The following SPEF2 variants were observed in gnomAD, a reference collection of about 807,000 sequenced individuals.
The protein encoded by SPEF2 is sperm flagella and cilia-associated protein 2.
In SPEF2, 187 loss-of-function variants were observed where a neutral mutation model predicts 224.6. That is an observed-to-expected ratio of 0.83 (90% CI 0.74 to 0.94). SPEF2 has a LOEUF of 0.94. Ranked by LOEUF, SPEF2 falls within the 40% of genes least tolerant of loss-of-function variation. The probability of loss-of-function intolerance (pLI) is 0.00; values close to 1 mark genes in which losing one functional copy is unlikely to be tolerated. For missense variants in SPEF2, 2,170 were observed against 2,135.6 expected, an observed-to-expected ratio of 1.02 and a Z score of -0.32; for synonymous variants, 715 against 707.3, an observed-to-expected ratio of 1.01 and a Z score of -0.17.
At chr5:35,652,898 T>C (rs1250711726) in intron 6 of SPEF2, among the ~76,000 whole-genome samples, 1 of 152,148 alleles carries the variant, frequency 6.6e-6, no homozygotes, top group East Asian at 1.9e-4. Flanking sequence ...TTTTGAATAA[T>C]AAGATTATAA....
intron 8 of SPEF2, among the ~76,000 whole-genome samples, chr5:35,662,760 G>C (rs1749921040): frequency 6.6e-6 from 1 of 152,054 alleles, no homozygotes; most frequent in African/African-American, 2.4e-5. Flanking sequence ...TTATTTCTGG[G>C]TTCTCTATTC....
intron 23 of SPEF2, among the ~76,000 whole-genome samples, chr5:35,750,677 G>GA (rs1023078572): frequency 3.3e-5 from 5 of 151,674 alleles, no homozygotes; most frequent in African/African-American, 1.2e-4. Context: ...TGGCCATAAT[G>GA]AAAAAAACCA....
chr5:35,797,317 G>GGTGTGT (rs3219619), intron 33 of SPEF2, among the ~76,000 whole-genome samples: 53 of 142,192 alleles, frequency 3.7e-4, no homozygotes, highest in African/African-American at 1.1e-3. Context: ...ATGGCTGACG[G>GGTGTGT]GTGTGTGTGT....
rs200886131 is a variant in SPEF2, at chr5:35,786,905, C to CA, written c.4448-5428dup. On this transcript the variant is annotated intron_variant, in intron 30 of 36. Coordinates refer to ENST00000356031, the MANE Select transcript of SPEF2 (RefSeq NM_024867.4). ...AAACCCTAGAACCATAAAGTATTGA[C>CA]AAAAAAAGAGAATATATGTCATGAA... Among the ~76,000 whole-genome samples the CA allele has an allele frequency of 8.8e-4, 133 of 151,752 alleles. No homozygotes were observed. In the East Asian group the frequency reaches 0.022, roughly 25 times the overall value.
chr5:35,702,325 T>C (rs1738805206), intron 16 of SPEF2: 1 of 455,864 alleles, frequency 2.2e-6, no homozygotes, highest in Admixed American at 2.4e-5. Context: ...CTGAGGTAAA[T>C]GATCCAGACT....
At chr5:35,672,258 ATGTT>A (rs1751299094) in intron 10 of SPEF2, among the ~76,000 whole-genome samples, 1 of 38,132 alleles carries the variant, frequency 2.6e-5, no homozygotes, top group Non-Finnish European at 5.3e-5. Context: ...ATTGAACATA[ATGTT>A]CATTATAATG....
intron 33 of SPEF2, among the ~76,000 whole-genome samples, chr5:35,798,986 C>T (rs2149848901): frequency 6.6e-6 from 1 of 152,254 alleles, no homozygotes; most frequent in African/African-American, 2.4e-5. Context: ...TCATTTATGC[C>T]TAGTTAAACC....
At chr5:35,801,295 C>G (rs1291464047) in intron 34 of SPEF2, among the ~76,000 whole-genome samples, 1 of 152,162 alleles carries the variant, frequency 6.6e-6, no homozygotes, top group East Asian at 1.9e-4. Flanking sequence ...GCGGGTGGCT[C>G]ACCTGAGGTC....
At chr5:35,658,555 A>G (rs1031951822) in intron 7 of SPEF2, among the ~76,000 whole-genome samples, 6 of 152,130 alleles carry the variant, frequency 3.9e-5, no homozygotes, top group Non-Finnish European at 8.8e-5. Context: ...TTCTGAAAAC[A>G]TGCTTTTAAG....
chr5:35,788,467 A>G (rs1755489588), intron 30 of SPEF2: 2 of 702,592 alleles, frequency 2.8e-6, no homozygotes, highest in Non-Finnish European at 5.2e-6. Flanking sequence ...TCAGTGATGG[A>G]ATCATAGACA....
Position 35,796,325 on chromosome 5 carries a change from C to T in SPEF2, c.4830+530C>T, listed in dbSNP as rs149531153. ...AAGCCAGACCTTAAAAATCTCAATG[C>T]GGCCGGGCGCGGTGGCTCACGCCTG... On this transcript the variant is annotated intron_variant, in intron 33 of 36. Transcript: ENST00000356031. Among the ~76,000 whole-genome samples, 13 of 152,126 alleles carry T rather than the reference C, an allele frequency of 8.5e-5. 1 individual carries two copies. The East Asian group carries it at 2.1e-3, about 25-fold the overall frequency.
intron 5 of SPEF2, among the ~76,000 whole-genome samples, chr5:35,648,952 T>G (rs112759785): frequency 6.7e-6 from 1 of 149,280 alleles, no homozygotes; most frequent in Admixed American, 6.7e-5. Context: ...AGGTGGAGGA[T>G]GCCTTGAGCC....
intron 20 of SPEF2, among the ~76,000 whole-genome samples, chr5:35,713,694 C>T (rs1311851233): frequency 2.0e-5 from 3 of 147,794 alleles, no homozygotes; most frequent in African/African-American, 5.0e-5. Context: ...GCCAAGACTG[C>T]GCCACTGCAC....
At chr5:35,744,741 G>A (rs1429953767) in intron 23 of SPEF2, among the ~76,000 whole-genome samples, 1 of 152,136 alleles carries the variant, frequency 6.6e-6, no homozygotes, top group South Asian at 2.1e-4. Flanking sequence ...GGGACAGAGG[G>A]AGACTCTGTC....
intron 8 of SPEF2, among the ~76,000 whole-genome samples, chr5:35,661,254 T>TTATATATATATATATATA (rs550178866): frequency 5.3e-5 from 5 of 93,986 alleles, no homozygotes; most frequent in Non-Finnish European, 8.8e-5. Flanking sequence ...TTGGTATATA[T>TTATATATATATATATATA]TATATATATA....
At position 35,793,127 on chromosome 5, in the gene SPEF2, A is replaced by C. The variant is rs888249548; in HGVS notation, c.4555-32A>C. 6 of 1,586,808 alleles carry C rather than the reference A, an allele frequency of 3.8e-6. No individual in the cohort carries two copies. The African/African-American group carries it at 6.7e-5, about 18-fold the overall frequency. The stretch of plus-strand genomic sequence containing the variant: ...AGAGCATCAAGATAGATTCATGTAG[A>C]TATTCCAAAGATATTTCCTGTTTTC... On this transcript the variant is annotated intron_variant, in intron 31 of 36. Coordinates refer to ENST00000356031, the MANE Select transcript of SPEF2 (RefSeq NM_024867.4).
Position 35,814,532 on chromosome 5 carries a change from A to G in SPEF2, c.5448A>G (p.Arg1816=). The G allele has an allele frequency of 6.2e-7, 1 of 1,607,048 alleles. No individual in the cohort carries two copies. The highest frequency in any genetic ancestry group is 8.5e-7 in the Non-Finnish European group (1 of 1,176,022). The change falls in exon 37 of 37, where the codon AGA becomes AGG. Residue 1816 remains arginine, a synonymous_variant. Coordinates refer to ENST00000356031, the MANE Select transcript of SPEF2 (RefSeq NM_024867.4). The stretch of plus-strand genomic sequence containing the variant: ...GTGATGGAGAGAGATCACCTTCAAG[A>G]CATACAGAGGAAAAGAAATGAAGAC... ...QGSDGERSPS[R]HTEEKK
intron 10 of SPEF2, among the ~76,000 whole-genome samples, chr5:35,686,832 T>C (rs1753698744): frequency 6.6e-6 from 1 of 152,130 alleles, no homozygotes; most frequent in African/African-American, 2.4e-5. Context: ...ACATATTTTA[T>C]GCACTAAAAT....
rs777850655 is a variant in SPEF2 at position 35,753,700 on chromosome 5, A to G, written c.3407A>G (p.Asn1136Ser). 1 of 1,614,146 alleles carries G rather than the reference A, an allele frequency of 6.2e-7. No individual in the cohort carries two copies. The highest frequency in any genetic ancestry group is 1.1e-5 in the South Asian group (1 of 91,078). Residue 1136 changes from asparagine to serine, a missense_variant, in exon 24 of 37, where the codon AAT (asparagine) becomes AGT (serine). Transcript: ENST00000356031. ...EAEQERLDII[N>S]ESWLQDTLGM... The stretch of plus-strand genomic sequence containing the variant: ...GAGCAGGAGCGGCTTGACATCATTA[A>G]TGAGAGCTGGTTACAGGACACTCTT...
Sources: allele counts gnomAD v4.1 joint callset (sites outside exome capture counted in the v4.1 genomes callset), GRCh38; gene constraint gnomAD v4.1.1; transcripts MANE v1.5; gene names NCBI Gene and HGNC (gene_info 2026-07-23, HGNC 2026-07-21).